The following TTLL1 variants were observed in gnomAD, a reference collection of about 807,000 sequenced individuals.
TTLL1 encodes TTL family tubulin polyglutamylase complex subunit L1.
TTLL1 carries 33 observed loss-of-function variants against 47.8 expected under a neutral mutation model. The ratio of observed to expected loss-of-function variants is 0.69; its 90% CI spans 0.52 to 0.92. TTLL1 has a LOEUF of 0.92. Among genes scored for constraint, TTLL1 ranks in the 40% least tolerant of loss-of-function variants. TTLL1 has a pLI of 0.00. For synonymous variants in TTLL1, 225 were observed against 214.1 expected (o/e 1.05, Z -0.45); for missense variants, 488 against 547.5 (o/e 0.89, Z 1.08).
chr22:43,076,372 C>T (rs1448521824), intron 2 of TTLL1, among the ~76,000 whole-genome samples: 1 of 152,148 alleles, frequency 6.6e-6, no homozygotes, highest in African/African-American at 2.4e-5. Context: ...AGGAGAATCG[C>T]TTGAACCCGG....
rs993138287 is a variant in TTLL1, at chr22:43,064,183, C to T, written c.638+7G>A. On this transcript the variant is annotated splice_region_variant and intron_variant, in intron 6 of 10. Transcript: ENST00000266254. ...CAAGAGGGAACCAAAACCTTAGGGA[C>T]GCTTACATGTAACAGCGCAGTGGAC... 5.0e-6 allele frequency: 8 copies of T among 1,605,990 alleles called. No homozygotes were observed. Among genetic ancestry groups the T allele is most frequent in the African/African-American group, 4.0e-5 (3 of 74,488 alleles).
intron 1 of TTLL1, among the ~76,000 whole-genome samples, chr22:43,083,379 A>G (rs1424591418): frequency 6.8e-6 from 1 of 146,078 alleles, no homozygotes; most frequent in Non-Finnish European, 1.5e-5. Context: ...AAACAAACAG[A>G]CAAAAAACAT....
intron 8 of TTLL1, among the ~76,000 whole-genome samples, chr22:43,052,974 C>T (rs1926745282): frequency 6.6e-6 from 1 of 151,880 alleles, no homozygotes; most frequent in South Asian, 2.1e-4. Flanking sequence ...ACAGGAGAAT[C>T]CCTTGAACCT....
chr22:43,064,252 CCCG>C lies in TTLL1; in HGVS notation c.573_575del (p.Gly192del). On this transcript the variant is annotated inframe_deletion, in exon 6 of 11. Coordinates refer to ENST00000266254, the MANE Select transcript of TTLL1 (RefSeq NM_012263.5). ...CGTACAAGCGCAGGTCGAACTTCCT[CCCG>C]CCAATTAGTAACGGGTTGTTAATAT... The C allele has an allele frequency of 6.2e-7, 1 of 1,614,146 alleles. No individual in the cohort carries two copies. The highest frequency in any genetic ancestry group is 8.5e-7 in the Non-Finnish European group (1 of 1,180,038).
At chr22:43,078,809 C>T (rs187053040) in intron 2 of TTLL1, among the ~76,000 whole-genome samples, 109 of 152,156 alleles carry the variant, frequency 7.2e-4, no homozygotes, top group African/African-American at 2.6e-3. Flanking sequence ...ACAATAAAAG[C>T]ACAGGAGCCG....
chr22:43,087,085 G>A (rs1026381177), intron 1 of TTLL1, among the ~76,000 whole-genome samples: 2 of 152,134 alleles, frequency 1.3e-5, no homozygotes, highest in South Asian at 4.1e-4. Flanking sequence ...TCGTCCTCCA[G>A]ATCTGTCCCT....
At chr22:43,055,674 A>G (rs929673156) in intron 8 of TTLL1, among the ~76,000 whole-genome samples, 5 of 151,388 alleles carry the variant, frequency 3.3e-5, no homozygotes, top group Admixed American at 2.6e-4. Flanking sequence ...GCATCTTGCT[A>G]TGTGGTCCAG....
chr22:43,056,550 C>A (rs1927025394), intron 8 of TTLL1, among the ~76,000 whole-genome samples: 1 of 149,000 alleles, frequency 6.7e-6, no homozygotes, highest in East Asian at 2.0e-4. Flanking sequence ...TTGGGAGGTC[C>A]AGGTGCGTGG....
chr22:43,051,734 G>C, intron 9 of TTLL1, 67 bp downstream of exon 9: 1 of 1,500,036 alleles, frequency 6.7e-7, no homozygotes, highest in Non-Finnish European at 9.3e-7. Flanking sequence ...TGCTGGGCCC[G>C]AATCGGGGCA....
rs771719544 is a variant in TTLL1 at position 43,069,628 on chromosome 22, G to A, written c.322+8C>T. 2.0e-5 allele frequency: 32 copies of A among 1,613,928 alleles called. No individual in the cohort carries two copies. In the South Asian group the frequency reaches 2.9e-4, roughly 14 times the overall value. On this transcript the variant is annotated splice_region_variant and intron_variant, in intron 4 of 10. Transcript: ENST00000266254. ...CTGAAAACATGAGCCGGTGGAAGAC[G>A]CACAAACCCAGATAGAGGTATTTTC...
rs1167618669 is a variant in TTLL1 at position 43,088,324 on chromosome 22, C to CTTTTTTT, written c.-90+946_-90+952dup. Among the ~76,000 whole-genome samples the CTTTTTTT allele has an allele frequency of 3.6e-3, 201 of 56,482 alleles. 31 individuals are homozygous for CTTTTTTT. The highest frequency in any genetic ancestry group is 0.014 in the African/African-American group (196 of 13,652). The allele number at this position is 56,482 out of a possible 152,430, so 37.1% of individuals were successfully genotyped here. A position where few individuals can be genotyped will look rare whatever the true frequency, so the allele number is the denominator to read the frequency against. On this transcript the variant is annotated intron_variant, in intron 1 of 10. Coordinates refer to ENST00000266254, the MANE Select transcript of TTLL1 (RefSeq NM_012263.5). ...AATTTGAGGGCAGAGAAGGGCCCATCTTTTTTTTTTTTTTTTTTTTTTTTT... is the reference window on the plus strand; with the variant it reads ...AATTTGAGGGCAGAGAAGGGCCCATCTTTTTTTTTTTTTTTTTTTTTTTTTTTTTTTT...
At chr22:43,047,573 A>G (rs1001520073) in intron 9 of TTLL1, among the ~76,000 whole-genome samples, 9 of 151,990 alleles carry the variant, frequency 5.9e-5, no homozygotes, top group African/African-American at 1.9e-4. Context: ...GGTTCAAGCA[A>G]TTCTCCTGCC....
intron 8 of TTLL1, among the ~76,000 whole-genome samples, chr22:43,055,315 C>T (rs1490549132): frequency 6.6e-6 from 1 of 151,548 alleles, no homozygotes; most frequent in Admixed American, 6.6e-5. Flanking sequence ...CTGTGCCTGG[C>T]CACGTCTGTC....
intron 9 of TTLL1, 146 bp from the exon 10 acceptor site, chr22:43,046,719 G>C (rs1363759848): frequency 2.2e-6 from 2 of 920,430 alleles, no homozygotes; most frequent in Admixed American, 5.5e-5. Flanking sequence ...GCCCAGGCTG[G>C]AGTGCAGTGG....
At position 43,039,836 on chromosome 22, in the gene TTLL1, C is replaced by T. The variant is rs1203948846; in HGVS notation, c.1212G>A (p.Leu404=). 16 of 1,613,972 alleles carry T rather than the reference C, an allele frequency of 9.9e-6. No homozygotes were observed. The highest frequency in any genetic ancestry group is 1.4e-5 in the Non-Finnish European group (16 of 1,180,014). ...RELRSRQGQS[L]GPRAGRSRDS... ...CTCTCGATCGGCCTGCTCTGGGCCC[C>T]AGAGACTGACCCTGACGGCTTCTCA... is the stretch of plus-strand genomic sequence containing the variant. Residue 404 remains leucine, a synonymous_variant, in exon 11 of 11, where the codon CTG becomes CTA. Transcript: ENST00000266254.
Position 43,064,181 on chromosome 22 carries a change from G to A in TTLL1, c.638+9C>T. ...ATCAAGAGGGAACCAAAACCTTAGG[G>A]ACGCTTACATGTAACAGCGCAGTGG... On this transcript the variant is annotated intron_variant, in intron 6 of 10. Coordinates refer to ENST00000266254, the MANE Select transcript of TTLL1 (RefSeq NM_012263.5). 3 of 1,605,692 alleles carry A rather than the reference G, an allele frequency of 1.9e-6. No individual in the cohort carries two copies. Among genetic ancestry groups the A allele is most frequent in the Non-Finnish European group, 2.5e-6 (3 of 1,177,844 alleles).
At chr22:43,051,682 C>T (rs2146965408) in intron 9 of TTLL1, 119 bp downstream of exon 9, 16 of 928,436 alleles carry the variant, frequency 1.7e-5, no homozygotes, top group South Asian at 1.6e-4. Context: ...AACATCAGTC[C>T]CCTTCCTGCC....
At chr22:43,074,060 G>A (rs1363327244) in intron 3 of TTLL1, among the ~76,000 whole-genome samples, 1 of 151,810 alleles carries the variant, frequency 6.6e-6, no homozygotes, top group African/African-American at 2.4e-5. Context: ...CTGGCCTCAA[G>A]TGATCCACCG....
intron 3 of TTLL1, among the ~76,000 whole-genome samples, chr22:43,074,922 T>C (rs957003278): frequency 3.9e-5 from 6 of 152,012 alleles, no homozygotes; most frequent in Middle Eastern, 3.2e-3. Flanking sequence ...AGACCTGTAA[T>C]CCCAGCACTT....
Sources: allele counts gnomAD v4.1 joint callset (sites outside exome capture counted in the v4.1 genomes callset), GRCh38; gene constraint gnomAD v4.1.1; transcripts MANE v1.5; gene names NCBI Gene and HGNC (gene_info 2026-07-23, HGNC 2026-07-21).